CSMD1: variants seen among roughly 807,000 people sequenced by gnomAD.
CSMD1 encodes CUB and Sushi multiple domains 1, also known as CUB and sushi domain-containing protein 1.
A neutral mutation model predicts 417.5 loss-of-function variants in CSMD1; 213 were observed. The ratio of observed to expected loss-of-function variants is 0.51; its 90% confidence interval spans 0.46 to 0.57. The LOEUF (loss-of-function observed/expected upper bound fraction) is 0.57. Among genes scored for constraint, CSMD1 ranks in the 20% least tolerant of loss-of-function variants. The pLI, the probability that CSMD1 is intolerant of heterozygous loss-of-function variation, is 0.00. For missense variants in CSMD1, 6,923 were observed against 4,529.7 expected (o/e 1.53, Z -15.17); for synonymous variants, 2,862 against 1,736.8 (o/e 1.65, Z -16.11).
intron 3 of CSMD1, among the ~76,000 whole-genome samples, chr8:4,251,758 G>A (rs1017944234): frequency 6.6e-6 from 1 of 152,048 alleles, no homozygotes; most frequent in Admixed American, 6.6e-5. Context: ...TCACAAGTGT[G>A]TGTGAGAGTG....
At chr8:4,001,080 G>A (rs142581767) in intron 4 of CSMD1, among the ~76,000 whole-genome samples, 1 of 151,444 alleles carries the variant, frequency 6.6e-6, no homozygotes, top group African/African-American at 2.4e-5. Flanking sequence ...GACATCAAAT[G>A]ATTATGAATT....
chr8:3,411,076 C>T (rs1812669903), intron 12 of CSMD1, among the ~76,000 whole-genome samples: 1 of 152,248 alleles, frequency 6.6e-6, no homozygotes, highest in South Asian at 2.1e-4. Flanking sequence ...GCCTGTTGGG[C>T]TTCCTGTTTG....
In CSMD1 at chr8:4,048,105, C is replaced by A. The variant is rs140562895; in HGVS notation, c.416-16006G>T. Among the ~76,000 whole-genome samples, 846 of 152,206 alleles carry A rather than the reference C, an allele frequency of 5.6e-3. 1 individual carries two copies. Among genetic ancestry groups the A allele is most frequent in the South Asian group, 0.01 (49 of 4,822 alleles). On this transcript the variant is annotated intron_variant, in intron 3 of 69. Coordinates refer to ENST00000635120, the MANE Select transcript of CSMD1 (RefSeq NM_033225.6). ...TAATTGATAAGTATCTCAGGGTAGA[C>A]CCCGACTGATTTCTAAACATACTTG...
intron 1 of CSMD1, among the ~76,000 whole-genome samples, chr8:4,974,387 CTTGA>C (rs1810424025): frequency 6.6e-6 from 1 of 151,994 alleles, no homozygotes; most frequent in African/African-American, 2.4e-5. Context: ...AAAAGTTTCC[CTTGA>C]TTATCTCCAA....
chr8:3,260,836 A>C (rs965087435), intron 26 of CSMD1, among the ~76,000 whole-genome samples: 12 of 149,988 alleles, frequency 8.0e-5, no homozygotes, highest in African/African-American at 2.8e-4. Flanking sequence ...TCTAAAAAAG[A>C]CCCTGTGAAG....
At chr8:3,654,264 T>G (rs11775483) in intron 7 of CSMD1, among the ~76,000 whole-genome samples, 7,722 of 152,290 alleles carry the variant, frequency 0.051, 252 homozygotes, top group South Asian at 0.086. Context: ...TAAAATGACA[T>G]TCTTAGCCAA....
At position 3,480,970 on chromosome 8, in the gene CSMD1, C is replaced by T. The variant is rs182591977; in HGVS notation, c.1449-12146G>A. On this transcript the variant is annotated intron_variant, in intron 11 of 69. Transcript: ENST00000635120. Reference sequence around the variant, plus strand: ...AGGAGATCGAGACTATCCTGGCTAACATAGTGAAACCCTGTCTGAACTAAA... The same window carrying T: ...AGGAGATCGAGACTATCCTGGCTAATATAGTGAAACCCTGTCTGAACTAAA... Among the ~76,000 whole-genome samples the T allele has an allele frequency of 1.1e-4, 16 of 151,740 alleles. No individual in the cohort carries two copies. In the East Asian group the frequency reaches 3.1e-3, roughly 29 times the overall value.
chr8:4,089,557 A>G (rs879030633), intron 3 of CSMD1, among the ~76,000 whole-genome samples: 1 of 152,172 alleles, frequency 6.6e-6, no homozygotes, highest in Admixed American at 6.5e-5. Context: ...TTGGATTCTG[A>G]CTTGCATTAC....
intron 6 of CSMD1, among the ~76,000 whole-genome samples, chr8:3,725,213 G>C (rs889620877): frequency 2.6e-5 from 4 of 152,164 alleles, no homozygotes; most frequent in African/African-American, 7.2e-5. Flanking sequence ...AAAGTGAAAA[G>C]AGATTAGTGT....
At chr8:3,829,726 G>A (rs535420801) in intron 5 of CSMD1, among the ~76,000 whole-genome samples, 1 of 152,250 alleles carries the variant, frequency 6.6e-6, no homozygotes, top group East Asian at 1.9e-4. Context: ...TCTTCCTGTA[G>A]CAGTTCTCAA....
chr8:4,688,820 A>G (rs978293114), intron 1 of CSMD1, among the ~76,000 whole-genome samples: 4 of 152,158 alleles, frequency 2.6e-5, no homozygotes, highest in Admixed American at 2.6e-4. Flanking sequence ...TAAACATCGC[A>G]AGTGGTCTGA....
chr8:3,085,307 C>G (rs1814445857), intron 49 of CSMD1, among the ~76,000 whole-genome samples: 1 of 152,168 alleles, frequency 6.6e-6, no homozygotes, highest in African/African-American at 2.4e-5. Flanking sequence ...TATTGACTCC[C>G]AGGTTAACAG....
intron 4 of CSMD1, among the ~76,000 whole-genome samples, chr8:4,006,413 C>A (rs1474934717): frequency 6.6e-6 from 1 of 152,080 alleles, no homozygotes; most frequent in Non-Finnish European, 1.5e-5. Context: ...GTGTGGTGGT[C>A]CATGCCTGTA....
chr8:3,559,963 G>T (rs540341553), intron 10 of CSMD1, among the ~76,000 whole-genome samples: 1 of 152,102 alleles, frequency 6.6e-6, no homozygotes, highest in African/African-American at 2.4e-5. Flanking sequence ...AAAGCCGTGC[G>T]GAATGAAGGT....
In CSMD1 at chr8:4,171,507, T is replaced by C. The variant is rs150609258; in HGVS notation, c.416-139408A>G. Among the ~76,000 whole-genome samples the C allele has an allele frequency of 1.6e-4, 25 of 152,024 alleles. No individual in the cohort carries two copies. The East Asian group carries it at 4.8e-3, about 29-fold the overall frequency. On this transcript the variant is annotated intron_variant, in intron 3 of 69. Coordinates refer to ENST00000635120, the MANE Select transcript of CSMD1 (RefSeq NM_033225.6). ...CAGATGCATATGTGATCAATCTTTG[T>C]ACTCTACAGTTTCTTTAGTTGACAC...
chr8:4,045,372 C>G (rs528754309), intron 3 of CSMD1, among the ~76,000 whole-genome samples: 2 of 152,174 alleles, frequency 1.3e-5, no homozygotes, highest in African/African-American at 4.8e-5. Flanking sequence ...TTCAAGGACA[C>G]TGTCATTTAA....
At chr8:2,950,867 TCTTGA>T (rs1182719007) in intron 66 of CSMD1, among the ~76,000 whole-genome samples, 3 of 152,176 alleles carry the variant, frequency 2.0e-5, no homozygotes, top group Non-Finnish European at 2.9e-5. Flanking sequence ...AATCTCAGAT[TCTTGA>T]CTTAATATGT....
intron 2 of CSMD1, among the ~76,000 whole-genome samples, chr8:4,627,357 CTATT>C (rs1321991793): frequency 1.3e-5 from 2 of 152,094 alleles, no homozygotes; most frequent in African/African-American, 4.8e-5. Context: ...ATCTGGGAAA[CTATT>C]TATAGCTCTT....
chr8:3,306,374 A>G (rs1192504069), intron 25 of CSMD1, among the ~76,000 whole-genome samples: 2 of 152,166 alleles, frequency 1.3e-5, no homozygotes, highest in Non-Finnish European at 2.9e-5. Flanking sequence ...GAGTTTTGCC[A>G]TGCTGGCCAG....
Sources: allele counts gnomAD v4.1 joint callset (sites outside exome capture counted in the v4.1 genomes callset), GRCh38; gene constraint gnomAD v4.1.1; transcripts MANE v1.5; gene names NCBI Gene and HGNC (gene_info 2026-07-23, HGNC 2026-07-21).